Variants in PDE4D observed in about 807,000 individuals in gnomAD.
The protein encoded by PDE4D is 3',5'-cyclic-AMP phosphodiesterase 4D.
Under a neutral mutation model 87.4 loss-of-function variants are expected in PDE4D, and 24 were observed. The ratio of observed to expected loss-of-function variants is 0.27; its 90% CI spans 0.20 to 0.39. The LOEUF (loss-of-function observed/expected upper bound fraction) is 0.39, where lower values mean the gene tolerates loss of function less well. Among genes scored for constraint, PDE4D ranks in the 10% least tolerant of loss-of-function variants. The pLI is 1.00. For synonymous variants in PDE4D, 384 were observed against 383.2 expected (o/e 1.00, Z -0.02); for missense variants, 714 against 1,041.0 (o/e 0.69, Z 4.32).
chr5:60,118,561 TTGTGTGTGTGTGTG>T (rs34503506), intron 2 of PDE4D, among the ~76,000 whole-genome samples: 4 of 144,304 alleles, frequency 2.8e-5, no homozygotes, highest in Admixed American at 7.0e-5. Flanking sequence ...TGGATGTAGG[TTGTGTGTGTGTGTG>T]TGTGTGTGTG....
At chr5:59,845,461 A>G (rs1045847401) in intron 1 of PDE4D, among the ~76,000 whole-genome samples, 10 of 152,206 alleles carry the variant, frequency 6.6e-5, no homozygotes, top group African/African-American at 1.4e-4. Flanking sequence ...TGTCTCTTGC[A>G]TGATAAACAA....
chr5:59,045,510 G>T (rs919013975), intron 5 of PDE4D, among the ~76,000 whole-genome samples: 1 of 143,818 alleles, frequency 7.0e-6, no homozygotes, highest in African/African-American at 2.6e-5. Flanking sequence ...CAGAGGTTGC[G>T]CCATTGCACT....
intron 1 of PDE4D, among the ~76,000 whole-genome samples, chr5:60,478,296 T>G (rs1370173667): frequency 6.6e-6 from 1 of 152,202 alleles, no homozygotes; most frequent in African/African-American, 2.4e-5. Flanking sequence ...TAGCATCCCC[T>G]TAAATTATAA....
intron 5 of PDE4D, among the ~76,000 whole-genome samples, chr5:59,127,612 C>G (rs1349581688): frequency 1.7e-4 from 18 of 105,108 alleles, no homozygotes; most frequent in Admixed American, 7.2e-4. Flanking sequence ...CCCACCCCCC[C>G]ACCCCCCACC....
chr5:59,839,360 T>G (rs1742629458), intron 1 of PDE4D, among the ~76,000 whole-genome samples: 1 of 151,948 alleles, frequency 6.6e-6, no homozygotes, highest in African/African-American at 2.4e-5. Context: ...TGGGCTTCTC[T>G]CCTTCAACTC....
chr5:59,524,721 T>C (rs941327990), intron 1 of PDE4D, among the ~76,000 whole-genome samples: 15 of 152,140 alleles, frequency 9.9e-5, no homozygotes, highest in African/African-American at 3.6e-4. Context: ...GGAAAGACTT[T>C]ATTTTGTGGG....
intron 1 of PDE4D, among the ~76,000 whole-genome samples, chr5:60,311,269 G>T (rs1030330831): frequency 2.6e-5 from 4 of 152,102 alleles, no homozygotes; most frequent in Non-Finnish European, 4.4e-5. Flanking sequence ...TGATCCGCCC[G>T]CCTTGGCCTC....
intron 1 of PDE4D, among the ~76,000 whole-genome samples, chr5:60,477,452 G>A (rs1274551137): frequency 6.6e-6 from 1 of 151,936 alleles, no homozygotes; most frequent in African/African-American, 2.4e-5. Flanking sequence ...AACCAGGTAA[G>A]TTGAGATTTT....
chr5:59,574,072 TTATATATATA>T (rs1168178213), intron 1 of PDE4D, among the ~76,000 whole-genome samples: 1 of 12,332 alleles, frequency 8.1e-5, no homozygotes, highest in Non-Finnish European at 1.6e-4. Context: ...ATATATATAT[TTATATATATA>T]TTTATATATA....
At chr5:60,247,237 A>G (rs1345065153) in intron 1 of PDE4D, among the ~76,000 whole-genome samples, 2 of 151,964 alleles carry the variant, frequency 1.3e-5, no homozygotes, top group Non-Finnish European at 2.9e-5. Context: ...CAGCCACAGT[A>G]TCAATTCAAG....
At chr5:60,499,280 G>T (rs910795195) in intron 1 of PDE4D, among the ~76,000 whole-genome samples, 1 of 152,156 alleles carries the variant, frequency 6.6e-6, no homozygotes, top group Non-Finnish European at 1.5e-5. Context: ...ATCTCACAAT[G>T]ACTTTCCAAG....
At chr5:59,193,448 A>G in intron 3 of PDE4D, 52 bp downstream of exon 3, 1 of 1,521,644 alleles carries the variant, frequency 6.6e-7, no homozygotes, top group Non-Finnish European at 9.1e-7. Context: ...AATTCCCCAA[A>G]TTAAATTTTT....
chr5:60,320,080 G>A (rs1286790870), intron 1 of PDE4D, among the ~76,000 whole-genome samples: 1 of 152,242 alleles, frequency 6.6e-6, no homozygotes, highest in East Asian at 1.9e-4. Context: ...GCCCCCAGAG[G>A]TGTAGTCTAC....
intron 1 of PDE4D, among the ~76,000 whole-genome samples, chr5:59,614,734 G>A (rs1829445713): frequency 6.6e-6 from 1 of 152,102 alleles, no homozygotes; most frequent in Admixed American, 6.5e-5. Context: ...TAAAGCACTA[G>A]TTATTCTTCA....
At chr5:59,419,059 A>G (rs1461091877) in intron 1 of PDE4D, among the ~76,000 whole-genome samples, 1 of 152,168 alleles carries the variant, frequency 6.6e-6, no homozygotes, top group African/African-American at 2.4e-5. Context: ...ATGACTATCT[A>G]CTTTGCAAAC....
chr5:60,092,232 A>G lies in PDE4D; in HGVS notation c.42+93325T>C, dbSNP rs184237549. Reference sequence around the variant, plus strand: ...TTGCATGTTCTTACTCATATAAGGAAGCTAAAAAAGTGGATCTCATGAAGG... The same window carrying G: ...TTGCATGTTCTTACTCATATAAGGAGGCTAAAAAAGTGGATCTCATGAAGG... On this transcript the variant is annotated intron_variant, in intron 2 of 16. Coordinates refer to the PDE4D transcript ENST00000502484. Among the ~76,000 whole-genome samples the G allele has an allele frequency of 4.3e-3, 649 of 152,184 alleles. 15 individuals carry two copies. Among genetic ancestry groups the G allele is most frequent in the Admixed American group, 0.039 (593 of 15,278 alleles).
chr5:59,365,186 A>G (rs1046571460), intron 1 of PDE4D, among the ~76,000 whole-genome samples: 1 of 152,182 alleles, frequency 6.6e-6, no homozygotes, highest in Non-Finnish European at 1.5e-5. Context: ...GTAGCCAGGT[A>G]TGAAGCTCAT....
At chr5:59,733,379 T>C (rs1413358482) in intron 1 of PDE4D, among the ~76,000 whole-genome samples, 1 of 152,106 alleles carries the variant, frequency 6.6e-6, no homozygotes, top group Non-Finnish European at 1.5e-5. Context: ...ACTGAAGAGT[T>C]TAGATTATTT....
At chr5:59,245,496 C>T (rs1002472653) in intron 1 of PDE4D, among the ~76,000 whole-genome samples, 19 of 152,148 alleles carry the variant, frequency 1.2e-4, no homozygotes, top group Non-Finnish European at 1.2e-4. Flanking sequence ...ACTGTCCATG[C>T]CAGCAACAAC....
Sources: allele counts gnomAD v4.1 joint callset (sites outside exome capture counted in the v4.1 genomes callset), GRCh38; gene constraint gnomAD v4.1.1; transcripts MANE v1.5; gene names NCBI Gene and HGNC (gene_info 2026-07-23, HGNC 2026-07-21).